The following OR52N4 variants were observed in gnomAD, a reference collection of about 807,000 sequenced individuals.
OR52N4 encodes the protein olfactory receptor 52N4.
Under a neutral mutation model 15.0 loss-of-function variants are expected in OR52N4, and 15 were observed. That is an observed-to-expected ratio of 1.00 (90% confidence interval 0.67 to 1.54). The LOEUF (loss-of-function observed/expected upper bound fraction) is 1.54, where lower values mean the gene tolerates loss of function less well. Among genes scored for constraint, OR52N4 ranks in the 40% most tolerant of loss-of-function variants. The probability of loss-of-function intolerance (pLI) is 0.00; values close to 1 mark genes in which losing one functional copy is unlikely to be tolerated. For missense variants in OR52N4, 421 were observed against 394.0 expected, an observed-to-expected ratio of 1.07 and a Z score of -0.58; for synonymous variants, 143 against 143.7, an observed-to-expected ratio of 1.00 and a Z score of 0.03.
At chr11:5,748,239 G>A in the OR52N4 span, among the ~76,000 whole-genome samples, 1 of 151,888 alleles carries the variant, frequency 6.6e-6, no homozygotes, top group African/African-American at 2.4e-5. Flanking sequence ...ACATATATAG[G>A]ATTTTAATTA....
chr11:5,755,468 G>C lies in OR52N4; in HGVS notation c.728G>C (p.Cys243Ser). The change falls in exon 2 of 2, where the codon TGC becomes TCC. Residue 243 changes from cysteine to serine, a missense_variant. Transcript: ENST00000641350. Reference protein sequence around the residue: ...ADARQKAFNTCTAHICAIVFS... With the variant: ...ADARQKAFNTSTAHICAIVFS... The stretch of plus-strand genomic sequence containing the variant: ...GCTCGGCAGAAGGCCTTTAATACCT[G>C]CACTGCCCACATTTGTGCCATTGTT... 2.5e-6 allele frequency: 4 copies of C among 1,614,034 alleles called. No individual in the cohort carries two copies. Among genetic ancestry groups the C allele is most frequent in the Non-Finnish European group, 3.4e-6 (4 of 1,179,970 alleles).
the OR52N4 span, chr11:5,737,710 T>C: frequency 4.7e-6 from 2 of 426,100 alleles, no homozygotes; most frequent in Non-Finnish European, 8.2e-6. Flanking sequence ...GGAAGAAATT[T>C]CTGCCAAATC....
upstream of OR52N4, among the ~76,000 whole-genome samples, chr11:5,750,841 T>C (rs1310196048): frequency 6.6e-6 from 1 of 151,970 alleles, no homozygotes; most frequent in East Asian, 1.9e-4. Context: ...TTCTGAAAAT[T>C]CCAAAGCTAA....
the OR52N4 span, among the ~76,000 whole-genome samples, chr11:5,731,096 CAT>C: frequency 3.3e-5 from 5 of 152,122 alleles, no homozygotes; most frequent in Admixed American, 3.3e-4. Flanking sequence ...AGAATTTAGT[CAT>C]AGTGTCTAAT....
At chr11:5,732,041 A>G in the OR52N4 span, among the ~76,000 whole-genome samples, 12,881 of 152,160 alleles carry the variant, frequency 0.085, 551 homozygotes, top group African/African-American at 0.11. Context: ...TTGCAGTAAG[A>G]ACATTTTACA....
chr11:5,754,885 T>C lies in OR52N4; in HGVS notation c.145T>C (p.Tyr49His), dbSNP rs764111958. 5.6e-6 allele frequency: 9 copies of C among 1,613,766 alleles called. No homozygotes were observed. The Admixed American group carries it at 6.7e-5, about 12-fold the overall frequency. The change falls in exon 2 of 2, where the codon TAC becomes CAC. Residue 49 changes from tyrosine to histidine, a missense_variant. Tyr to His is a moderately conservative substitution (Grantham distance 83). Coordinates refer to ENST00000641350, the MANE Select transcript of OR52N4 (RefSeq NM_001005175.5). ...VAMVGNCGLL[Y>H]LIHYEDALHK... is the part of the protein sequence containing the mutation. ...TATGGTAGGGAATTGTGGACTCCTC[T>C]ACCTCATTCACTATGAGGATGCCCT...
chr11:5,734,166 T>G, the OR52N4 span: 5 of 456,390 alleles, frequency 1.1e-5, no homozygotes, highest in Admixed American at 2.4e-5. Context: ...CATAAAGTTC[T>G]GTCTTTGCCC....
rs371181036 is a variant in OR52N4, at chr11:5,755,130, C to T, written c.390C>T (p.Tyr130=). Residue 130 remains tyrosine (Y), a synonymous_variant, in exon 2 of 2, where the codon TAC becomes TAT. Coordinates refer to ENST00000641350, the MANE Select transcript of OR52N4 (RefSeq NM_001005175.5). ...TGGATCGCTATGTGGCCATCTGCTA[C>T]CCCTTACGCTATTCAACTATCCTCA... The part of the protein sequence containing the change: ...MALDRYVAIC[Y]PLRYSTILTN... 6.2e-7 allele frequency: 1 copy of T among 1,613,934 alleles called. No homozygotes were observed. Among genetic ancestry groups the T allele is most frequent in the Non-Finnish European group, 8.5e-7 (1 of 1,179,994 alleles).
the OR52N4 span, among the ~76,000 whole-genome samples, chr11:5,734,644 T>C: frequency 6.6e-6 from 1 of 152,138 alleles, no homozygotes; most frequent in South Asian, 2.1e-4. Context: ...AAAAAAATTT[T>C]AATAGAGAAA....
At position 5,754,818 on chromosome 11, in the gene OR52N4, A is replaced by G. The variant is rs1854262677; in HGVS notation, c.78A>G (p.Gln26=). 1.2e-6 allele frequency: 2 copies of G among 1,613,370 alleles called. No individual in the cohort carries two copies. Among genetic ancestry groups the G allele is most frequent in the Admixed American group, 1.7e-5 (1 of 59,940 alleles). The change falls in exon 2 of 2, where the codon CAA becomes CAG. Residue 26 remains glutamine, a synonymous_variant. Coordinates refer to ENST00000641350, the MANE Select transcript of OR52N4 (RefSeq NM_001005175.5). The part of the protein sequence containing the change: ...LNGVPGLEDT[Q]LWISFPFCSM... Reference sequence around the variant, plus strand: ...GAGTCCCAGGACTGGAAGACACACAACTCTGGATTTCCTTCCCATTCTGCT... The same window carrying G: ...GAGTCCCAGGACTGGAAGACACACAGCTCTGGATTTCCTTCCCATTCTGCT...
chr11:5,750,466 A>G (rs1854166374), upstream of OR52N4, among the ~76,000 whole-genome samples: 1 of 152,036 alleles, frequency 6.6e-6, no homozygotes, highest in Admixed American at 6.6e-5. Context: ...CAAAACAAGC[A>G]CTGAGCATCA....
chr11:5,745,178 T>C, the OR52N4 span, among the ~76,000 whole-genome samples: 1 of 152,142 alleles, frequency 6.6e-6, no homozygotes, highest in Admixed American at 6.5e-5. Context: ...TTCAACATGA[T>C]ATTGGAAGCT....
At chr11:5,745,283 T>C in the OR52N4 span, among the ~76,000 whole-genome samples, 3 of 152,126 alleles carry the variant, frequency 2.0e-5, no homozygotes, top group Admixed American at 2.0e-4. Context: ...GATATGATCT[T>C]ATATGTAGAA....
the OR52N4 span, among the ~76,000 whole-genome samples, chr11:5,738,784 C>T: frequency 1.3e-5 from 2 of 151,848 alleles, no homozygotes; most frequent in African/African-American, 4.8e-5. Context: ...TTTAAATAGT[C>T]CTAAACAATG....
At chr11:5,753,586 T>C (rs138593881), upstream of OR52N4, among the ~76,000 whole-genome samples, 545 of 152,286 alleles carry the variant, frequency 3.6e-3, 2 homozygotes, top group African/African-American at 0.012. Context: ...AGTGAAAAAA[T>C]TGAATCAAAA....
At chr11:5,738,985 T>C in the OR52N4 span, among the ~76,000 whole-genome samples, 2 of 126,924 alleles carry the variant, frequency 1.6e-5, 1 homozygote, top group East Asian at 5.4e-4. Context: ...TGTCAACTCC[T>C]CTTCCAGTTA....
At chr11:5,730,375 T>G in the OR52N4 span, among the ~76,000 whole-genome samples, 4 of 151,816 alleles carry the variant, frequency 2.6e-5, no homozygotes, top group Non-Finnish European at 5.9e-5. Context: ...GTATTTTTTG[T>G]AGAGATGGGG....
chr11:5,743,908 C>T, the OR52N4 span, among the ~76,000 whole-genome samples: 50 of 151,616 alleles, frequency 3.3e-4, no homozygotes, highest in Middle Eastern at 6.8e-3. Flanking sequence ...GAAATTGAGA[C>T]AGAAAAATAC....
the OR52N4 span, among the ~76,000 whole-genome samples, chr11:5,729,378 C>T: frequency 6.6e-6 from 1 of 152,012 alleles, no homozygotes. Flanking sequence ...CCTCAGCCTC[C>T]CAAAGTGCTG....
Sources: gnomAD v4.1 joint callset for allele counts (sites outside exome capture counted in the v4.1 genomes callset) on GRCh38, gnomAD v4.1.1 for gene constraint, MANE v1.5 for transcripts, NCBI Gene and HGNC (gene_info 2026-07-23, HGNC 2026-07-21) for gene names.